MALRD1: variants seen among roughly 807,000 people sequenced by gnomAD.
MALRD1 encodes the protein MAM and LDL-receptor class A domain-containing protein 1.
A neutral mutation model predicts 242.1 loss-of-function variants in MALRD1; 247 were observed. The observed-to-expected ratio is 1.02, with a 90% CI of 0.92 to 1.13. The LOEUF is 1.13. Among genes scored for constraint, MALRD1 ranks in the 50% most tolerant of loss-of-function variants. The probability of loss-of-function intolerance (pLI) is 0.00; values close to 1 mark genes in which losing one functional copy is unlikely to be tolerated. For synonymous variants in MALRD1, 995 were observed against 866.6 expected (o/e 1.15, Z -2.60); for missense variants, 2,989 against 2,533.1 (o/e 1.18, Z -3.86).
intron 31 of MALRD1, among the ~76,000 whole-genome samples, chr10:19,503,196 A>G (rs1420683034): frequency 6.6e-6 from 1 of 152,214 alleles, no homozygotes; most frequent in Non-Finnish European, 1.5e-5. Context: ...GAGTGAGACT[A>G]TTTAGGCATC....
At position 19,562,297 on chromosome 10, in the gene MALRD1, G is replaced by GTAGGTAGA. The variant is rs149417866; in HGVS notation, c.5479-5202_5479-5201insGTAGATAG. ...GCAACAGAGCGAGATGCTGTCTTAG[G>GTAGGTAGA]TAGATAGATAGATAGATAGATAGAT... On this transcript the variant is annotated intron_variant, in intron 32 of 39. Transcript: ENST00000454679. Among the ~76,000 whole-genome samples the GTAGGTAGA allele has an allele frequency of 2.1e-3, 304 of 144,758 alleles. 2 individuals carry two copies. The highest frequency in any genetic ancestry group is 6.1e-3 in the African/African-American group (238 of 39,300). 95.0% of individuals were successfully genotyped at this position (144,758 alleles called of 152,430 possible).
At position 19,607,865 on chromosome 10, in the gene MALRD1, C is replaced by T. The variant is rs968374880; in HGVS notation, c.6033C>T (p.Asp2011=). The change falls in exon 35 of 40, where the codon GAC becomes GAT. Residue 2011 remains aspartate (D), a synonymous_variant. Transcript: ENST00000454679. The part of the protein sequence containing the change: ...PAHQRCDGFA[D]CMDFQLDESS... ...ACCAGCGCTGTGATGGTTTTGCCGA[C>T]TGCATGGATTTCCAGCTTGATGAGT... The T allele has an allele frequency of 5.2e-6, 8 of 1,549,658 alleles. No individual in the cohort carries two copies. In the Admixed American group the frequency reaches 7.9e-5, roughly 15 times the overall value.
chr10:19,266,823 TC>T (rs1366784632), intron 19 of MALRD1, among the ~76,000 whole-genome samples: 1 of 151,994 alleles, frequency 6.6e-6, no homozygotes, highest in African/African-American at 2.4e-5. Flanking sequence ...AATGATGTTG[TC>T]TATTACCTGA....
At chr10:19,174,327 G>T (rs913451082) in intron 13 of MALRD1, among the ~76,000 whole-genome samples, 9 of 152,154 alleles carry the variant, frequency 5.9e-5, no homozygotes, top group Admixed American at 5.2e-4. Context: ...GGGACTCCAA[G>T]GTGCTGTATT....
At position 19,072,706 on chromosome 10, in the gene MALRD1, T is replaced by C. The variant is rs975152696; in HGVS notation, c.340+5847T>C. ...TGTTCACATTTATAGCAAACAAAAGTGAAGCAAACTTTATTTCTGTATCAG... is the reference window on the plus strand; with the variant it reads ...TGTTCACATTTATAGCAAACAAAAGCGAAGCAAACTTTATTTCTGTATCAG... On this transcript the variant is annotated intron_variant, in intron 2 of 39. Transcript: ENST00000454679. 2.6e-5 allele frequency among the ~76,000 whole-genome samples: 4 copies of C among 152,240 alleles called. No individual in the cohort carries two copies. The South Asian group carries it at 8.3e-4, about 32-fold the overall frequency.
At chr10:19,606,707 C>T (rs1357683760) in intron 34 of MALRD1, among the ~76,000 whole-genome samples, 1 of 151,978 alleles carries the variant, frequency 6.6e-6, no homozygotes, top group Non-Finnish European at 1.5e-5. Context: ...AGACCAGAAC[C>T]AGAGGAGAAC....
At chr10:19,084,299 C>A (rs891807313) in intron 2 of MALRD1, among the ~76,000 whole-genome samples, 1 of 151,914 alleles carries the variant, frequency 6.6e-6, no homozygotes, top group Non-Finnish European at 1.5e-5. Flanking sequence ...TCTCTATTAT[C>A]CGAACTAAAC....
intron 4 of MALRD1, among the ~76,000 whole-genome samples, chr10:19,088,857 A>G (rs1835787280): frequency 3.0e-5 from 1 of 33,744 alleles, no homozygotes; most frequent in Admixed American, 3.6e-4. Flanking sequence ...TGTTCTTGCG[A>G]TAGTTTACTG....
intron 36 of MALRD1, among the ~76,000 whole-genome samples, chr10:19,629,760 G>T (rs1294550132): frequency 2.0e-5 from 3 of 152,136 alleles, no homozygotes; most frequent in African/African-American, 7.2e-5. Flanking sequence ...TCCTCAGACT[G>T]AATTTCACAA....
At chr10:19,203,227 A>T (rs149400544) in intron 14 of MALRD1, among the ~76,000 whole-genome samples, 27 of 152,322 alleles carry the variant, frequency 1.8e-4, no homozygotes, top group East Asian at 1.7e-3. Context: ...GGCAATGCAT[A>T]TAACACTTTG....
At chr10:19,199,803 A>G (rs181134833) in intron 14 of MALRD1, among the ~76,000 whole-genome samples, 2 of 145,934 alleles carry the variant, frequency 1.4e-5, no homozygotes, top group East Asian at 2.0e-4. Context: ...TCTGTCTCCA[A>G]ATAAATAAAT....
At chr10:19,589,243 T>C (rs990161908) in intron 33 of MALRD1, among the ~76,000 whole-genome samples, 4 of 152,154 alleles carry the variant, frequency 2.6e-5, no homozygotes, top group African/African-American at 9.7e-5. Flanking sequence ...AATACCAACA[T>C]TGGTATTTAT....
At chr10:19,508,659 A>G (rs1258469038) in intron 31 of MALRD1, among the ~76,000 whole-genome samples, 1 of 152,168 alleles carries the variant, frequency 6.6e-6, no homozygotes, top group Admixed American at 6.6e-5. Flanking sequence ...TTATACTAGG[A>G]GGTTGTATAT....
chr10:19,266,207 A>C (rs977488816), intron 19 of MALRD1, among the ~76,000 whole-genome samples: 2 of 151,626 alleles, frequency 1.3e-5, no homozygotes, highest in African/African-American at 2.4e-5. Flanking sequence ...TAATTCACTT[A>C]CATTTAAAGT....
intron 14 of MALRD1, among the ~76,000 whole-genome samples, chr10:19,200,965 C>T (rs1836512559): frequency 6.6e-6 from 1 of 151,976 alleles, no homozygotes; most frequent in Non-Finnish European, 1.5e-5. Context: ...GTAACAGCCC[C>T]TAGCACAAAG....
chr10:19,238,906 T>A (rs1046368604), intron 18 of MALRD1, among the ~76,000 whole-genome samples: 2 of 152,012 alleles, frequency 1.3e-5, no homozygotes, highest in Non-Finnish European at 2.9e-5. Flanking sequence ...ACCTTTTTGG[T>A]AATAGCCATT....
At chr10:19,603,808 T>A (rs543865815) in intron 34 of MALRD1, among the ~76,000 whole-genome samples, 32 of 152,292 alleles carry the variant, frequency 2.1e-4, no homozygotes, top group African/African-American at 7.0e-4. Flanking sequence ...TGATCAGTGA[T>A]CTTTGATGTT....
chr10:19,382,900 G>A (rs1051636593), intron 26 of MALRD1, among the ~76,000 whole-genome samples: 1 of 152,106 alleles, frequency 6.6e-6, no homozygotes, highest in South Asian at 2.1e-4. Context: ...TCTTTCTTTA[G>A]TAGATTCTTA....
chr10:19,450,398 G>A lies in MALRD1; in HGVS notation c.4937G>A (p.Arg1646Lys). Residue 1646 changes from arginine to lysine, a missense_variant, in exon 29 of 40, where the codon AGG becomes AAG. Coordinates refer to ENST00000454679, the MANE Select transcript of MALRD1 (RefSeq NM_001142308.3). ...GCTGACATCCTGCTAGGAAAGTTAAGGAATTTTGAAGTCATATTTCAAGGT... is the reference window on the plus strand; with the variant it reads ...GCTGACATCCTGCTAGGAAAGTTAAAGAATTTTGAAGTCATATTTCAAGGT... Reference protein sequence around the residue: ...QKADILLGKLRNFEVIFQGIR... With the variant: ...QKADILLGKLKNFEVIFQGIR... 2.6e-6 allele frequency: 4 copies of A among 1,550,448 alleles called. No individual in the cohort carries two copies.
Sources: gnomAD v4.1 joint callset for allele counts (sites outside exome capture counted in the v4.1 genomes callset) on GRCh38, gnomAD v4.1.1 for gene constraint, MANE v1.5 for transcripts, NCBI Gene and HGNC (gene_info 2026-07-23, HGNC 2026-07-21) for gene names.